Variants in CLTCL1 observed in about 807,000 individuals in gnomAD.
CLTCL1 encodes the protein clathrin heavy chain like 1.
Under a neutral mutation model 190.0 loss-of-function variants are expected in CLTCL1, and 159 were observed. The observed-to-expected ratio is 0.84, with a 90% confidence interval of 0.74 to 0.95. CLTCL1 has a LOEUF of 0.95. Among genes scored for constraint, CLTCL1 ranks in the 40% least tolerant of loss-of-function variants. The pLI, the probability that CLTCL1 is intolerant of heterozygous loss-of-function variation, is 0.00. For missense variants in CLTCL1, 1,878 were observed against 2,033.4 expected, an observed-to-expected ratio of 0.92 and a Z score of 1.47; for synonymous variants, 752 against 769.6, an observed-to-expected ratio of 0.98 and a Z score of 0.38.
chr22:19,193,960 C>T (rs952407679), intron 26 of CLTCL1, among the ~76,000 whole-genome samples: 1 of 152,294 alleles, frequency 6.6e-6, no homozygotes, highest in South Asian at 2.1e-4. Context: ...GAAAAAGACC[C>T]GAACAGGTTG....
intron 19 of CLTCL1, among the ~76,000 whole-genome samples, chr22:19,210,758 C>T (rs1601528821): frequency 6.6e-6 from 1 of 152,318 alleles, no homozygotes; most frequent in Non-Finnish European, 1.5e-5. Flanking sequence ...ACTGGGAGGG[C>T]TGCTGTGGCT....
chr22:19,227,249 T>C (rs2085774008), intron 11 of CLTCL1, among the ~76,000 whole-genome samples: 1 of 150,840 alleles, frequency 6.6e-6, no homozygotes, highest in South Asian at 2.1e-4. Context: ...TGAACACTCC[T>C]GGAAACAATT....
At chr22:19,273,552 C>T (rs531545666) in intron 2 of CLTCL1, among the ~76,000 whole-genome samples, 1 of 152,062 alleles carries the variant, frequency 6.6e-6, no homozygotes, top group Non-Finnish European at 1.5e-5. Flanking sequence ...TCTGAGACCA[C>T]GATCAAGTGA....
chr22:19,243,386 C>A (rs2086315296), intron 3 of CLTCL1, among the ~76,000 whole-genome samples: 1 of 152,092 alleles, frequency 6.6e-6, no homozygotes, highest in Non-Finnish European at 1.5e-5. Flanking sequence ...ATCCTAGCAC[C>A]TTGGGAGAAT....
At chr22:19,252,179 C>G (rs566952358) in intron 3 of CLTCL1, among the ~76,000 whole-genome samples, 1 of 152,324 alleles carries the variant, frequency 6.6e-6, no homozygotes, top group East Asian at 1.9e-4. Flanking sequence ...CTCCTGGCCT[C>G]CAGTCTTCAT....
chr22:19,272,449 T>C (rs917440781), intron 2 of CLTCL1, among the ~76,000 whole-genome samples: 1 of 152,100 alleles, frequency 6.6e-6, no homozygotes, highest in Non-Finnish European at 1.5e-5. Context: ...TTTAATTTTT[T>C]TTTGAGACAG....
At chr22:19,254,818 T>C (rs1178949500) in intron 2 of CLTCL1, among the ~76,000 whole-genome samples, 1 of 152,256 alleles carries the variant, frequency 6.6e-6, no homozygotes, top group African/African-American at 2.4e-5. Context: ...TATACTTTTA[T>C]TTAACTTTAA....
At chr22:19,277,748 G>A (rs1280290052) in intron 1 of CLTCL1, among the ~76,000 whole-genome samples, 1 of 152,172 alleles carries the variant, frequency 6.6e-6, no homozygotes, top group Non-Finnish European at 1.5e-5. Flanking sequence ...CCAGATGTGG[G>A]GGGGTTTCTC....
chr22:19,258,274 G>T, intron 2 of CLTCL1: 1 of 354,954 alleles, frequency 2.8e-6, no homozygotes, highest in South Asian at 2.4e-5. Context: ...GCAGATATCT[G>T]GGCCCAATAT....
At position 19,288,330 on chromosome 22, in the gene CLTCL1, T is replaced by C. The variant is rs569417887; in HGVS notation, c.42+3270A>G. ...CATAAATTCAGCTTTATCATACATA[T>C]GTATGCATAGGGAAAAAAAGTGTAT... On this transcript the variant is annotated intron_variant, in intron 1 of 32. Transcript: ENST00000427926. 1.4e-3 allele frequency among the ~76,000 whole-genome samples: 209 copies of C among 152,306 alleles called. 2 individuals carry two copies. The highest frequency in any genetic ancestry group is 4.8e-3 in the African/African-American group (198 of 41,572).
chr22:19,186,113 C>G (rs782057012), intron 29 of CLTCL1, among the ~76,000 whole-genome samples: 24 of 152,180 alleles, frequency 1.6e-4, no homozygotes, highest in Non-Finnish European at 3.1e-4. Context: ...TCTGAGCCAA[C>G]AGCCGCAGAC....
At chr22:19,288,454 T>C (rs551678150) in intron 1 of CLTCL1, among the ~76,000 whole-genome samples, 1 of 152,350 alleles carries the variant, frequency 6.6e-6, no homozygotes, top group Admixed American at 6.5e-5. Context: ...GTAACAGTTA[T>C]TGTTTAATGC....
intron 2 of CLTCL1, among the ~76,000 whole-genome samples, chr22:19,257,122 C>A (rs2086787289): frequency 6.6e-6 from 1 of 152,058 alleles, no homozygotes; most frequent in South Asian, 2.1e-4. Flanking sequence ...CCTCAAAGGA[C>A]CTCAAATAGC....
chr22:19,236,202 T>C (rs1432922597), intron 5 of CLTCL1, among the ~76,000 whole-genome samples: 1 of 152,232 alleles, frequency 6.6e-6, no homozygotes, highest in Non-Finnish European at 1.5e-5. Context: ...GATTCTAAGT[T>C]GTACTTGATT....
At chr22:19,190,652 A>G (rs1047504669) in intron 27 of CLTCL1, among the ~76,000 whole-genome samples, 1 of 151,528 alleles carries the variant, frequency 6.6e-6, no homozygotes, top group Admixed American at 6.6e-5. Flanking sequence ...TAACATATAT[A>G]ATGACAAAAT....
At position 19,183,601 on chromosome 22, in the gene CLTCL1, T is replaced by C; in HGVS notation, c.4616A>G (p.Gln1539Arg). ...AGCATCCCGCGACTCTGCAGCATGC[T>C]GCATGGCATCCTGCAGCCAAGGCAA... ...KKDHLYKDAMQHAAESRDAEL... is the reference protein window; with the variant it reads ...KKDHLYKDAMRHAAESRDAEL... The change falls in exon 30 of 33, where the codon CAG (glutamine) becomes CGG (arginine). Residue 1539 changes from glutamine to arginine, a missense_variant. By Grantham distance (43) the Gln-to-Arg change is conservative. Coordinates refer to ENST00000427926, the MANE Select transcript of CLTCL1 (RefSeq NM_007098.4). 6.2e-7 allele frequency: 1 copy of C among 1,613,430 alleles called. No homozygotes were observed. The highest frequency in any genetic ancestry group is 1.1e-5 in the South Asian group (1 of 91,078).
At chr22:19,193,861 T>G (rs552882416) in intron 26 of CLTCL1, among the ~76,000 whole-genome samples, 16 of 152,328 alleles carry the variant, frequency 1.1e-4, no homozygotes, top group African/African-American at 3.6e-4. Flanking sequence ...GCAGTGAGTG[T>G]TACAGCTTTT....
At chr22:19,216,723 G>A (rs1330714614) in intron 18 of CLTCL1, among the ~76,000 whole-genome samples, 1 of 152,194 alleles carries the variant, frequency 6.6e-6, no homozygotes, top group East Asian at 1.9e-4. Context: ...ACAATCTGAA[G>A]GAAAGACCAA....
At chr22:19,210,225 C>T in intron 20 of CLTCL1, 101 bp downstream of exon 20, 1 of 1,155,704 alleles carries the variant, frequency 8.7e-7, no homozygotes. Context: ...CACTGGACAA[C>T]CAGAGGGTCT....
Sources: allele counts gnomAD v4.1 joint callset (sites outside exome capture counted in the v4.1 genomes callset), GRCh38; gene constraint gnomAD v4.1.1; transcripts MANE v1.5; gene names NCBI Gene and HGNC (gene_info 2026-07-23, HGNC 2026-07-21).